TRDN: variants seen among roughly 807,000 people sequenced by gnomAD.
TRDN encodes the protein triadin in skeletal muscle.
TRDN carries 161 observed loss-of-function variants against 149.7 expected under a neutral mutation model. That is an observed-to-expected ratio of 1.08 (90% confidence interval 0.95 to 1.23). The LOEUF is 1.23. Ranked by LOEUF, TRDN falls within the 50% of genes most tolerant of loss-of-function variation. TRDN has a pLI of 0.00. For synonymous variants in TRDN, 294 were observed against 250.5 expected (o/e 1.17, Z -1.64); for missense variants, 896 against 823.5 (o/e 1.09, Z -1.08).
intron 1 of TRDN, among the ~76,000 whole-genome samples, chr6:123,622,112 G>A (rs1488132679): frequency 6.6e-6 from 1 of 152,054 alleles, no homozygotes; most frequent in East Asian, 1.9e-4. Flanking sequence ...TGCCACCACT[G>A]GGACAGCAAA....
At chr6:123,327,333 A>G (rs540051878) in intron 23 of TRDN, among the ~76,000 whole-genome samples, 2 of 152,042 alleles carry the variant, frequency 1.3e-5, no homozygotes, top group African/African-American at 4.8e-5. Context: ...TTTTCAAAAA[A>G]TATTTTCTTA....
chr6:123,455,406 CTGTGTGTG>C (rs71751722), intron 10 of TRDN, among the ~76,000 whole-genome samples: 69 of 145,738 alleles, frequency 4.7e-4, no homozygotes, highest in African/African-American at 1.1e-3. Flanking sequence ...AAGGCAACCA[CTGTGTGTG>C]TGTGTGTGTG....
In TRDN at chr6:123,465,106, T is replaced by TA. The variant is rs1776709057; in HGVS notation, c.854-124dup. The TA allele has an allele frequency of 8.4e-6, 9 of 1,071,130 alleles. No individual in the cohort carries two copies. In the South Asian group the frequency reaches 1.7e-4, roughly 21 times the overall value. 66.4% of individuals were successfully genotyped at this position (1,071,130 alleles called of 1,614,324 possible). On this transcript the variant is annotated intron_variant, in intron 9 of 40. Coordinates refer to ENST00000334268, the MANE Select transcript of TRDN (RefSeq NM_006073.4). The stretch of plus-strand genomic sequence containing the variant: ...ATAATACCAAGCCAAGTATAAATCA[T>TA]ATTATTATGCAAAAAAGAAAGCTAT...
intron 22 of TRDN, among the ~76,000 whole-genome samples, chr6:123,335,701 C>T (rs1459224074): frequency 6.6e-6 from 1 of 151,738 alleles, no homozygotes; most frequent in Admixed American, 6.6e-5. Context: ...GGAGTTAAGC[C>T]CCAACCTTTC....
chr6:123,482,538 T>C (rs1777792922), intron 9 of TRDN, among the ~76,000 whole-genome samples: 1 of 152,208 alleles, frequency 6.6e-6, no homozygotes, highest in Non-Finnish European at 1.5e-5. Flanking sequence ...CAAGAGGCTA[T>C]TTATAATCAC....
At chr6:123,594,784 A>G (rs570544843) in intron 1 of TRDN, among the ~76,000 whole-genome samples, 3 of 152,010 alleles carry the variant, frequency 2.0e-5, no homozygotes, top group Non-Finnish European at 4.4e-5. Flanking sequence ...TTTTAGTATT[A>G]TTTAGGTAGC....
At chr6:123,241,618 G>A (rs919190377) in intron 38 of TRDN, among the ~76,000 whole-genome samples, 4 of 151,512 alleles carry the variant, frequency 2.6e-5, no homozygotes, top group African/African-American at 9.7e-5. Context: ...ACAAAAGTAA[G>A]ATAGAAAGAA....
chr6:123,588,310 A>G (rs1002611978), intron 1 of TRDN, among the ~76,000 whole-genome samples: 4 of 152,190 alleles, frequency 2.6e-5, no homozygotes, highest in African/African-American at 7.2e-5. Flanking sequence ...GGAATCTGGT[A>G]TCTTATTGCT....
chr6:123,261,739 A>T (rs1318916027), intron 33 of TRDN, among the ~76,000 whole-genome samples: 3 of 151,876 alleles, frequency 2.0e-5, no homozygotes, highest in Non-Finnish European at 1.5e-5. Flanking sequence ...TTTCATAAAA[A>T]TATAGTACTT....
At chr6:123,572,771 G>T (rs1782649597) in intron 1 of TRDN, among the ~76,000 whole-genome samples, 1 of 152,026 alleles carries the variant, frequency 6.6e-6, no homozygotes, top group Non-Finnish European at 1.5e-5. Flanking sequence ...AGAATTACAT[G>T]CCAAGAAAGA....
At chr6:123,403,041 A>T (rs1338864437) in intron 12 of TRDN, among the ~76,000 whole-genome samples, 1 of 152,224 alleles carries the variant, frequency 6.6e-6, no homozygotes, top group Non-Finnish European at 1.5e-5. Flanking sequence ...TTCTAAAGTC[A>T]TGCACATCGA....
chr6:123,421,596 A>G (rs1254241007), intron 12 of TRDN: 1 of 152,094 alleles, frequency 6.6e-6, no homozygotes, highest in African/African-American at 2.4e-5. Flanking sequence ...GGACTCAGCC[A>G]TAGAAGTAAT....
At chr6:123,597,659 G>T (rs1259867720) in intron 1 of TRDN, among the ~76,000 whole-genome samples, 1 of 151,986 alleles carries the variant, frequency 6.6e-6, no homozygotes, top group East Asian at 1.9e-4. Flanking sequence ...ACCATGATTG[G>T]TCAGCAGACA....
chr6:123,279,115 A>G (rs1174445561), intron 24 of TRDN, 33 bp from the exon 25 acceptor site: 1 of 1,563,308 alleles, frequency 6.4e-7, no homozygotes, highest in Non-Finnish European at 8.7e-7. Context: ...TTAAAGGCTG[A>G]GTCATACAAT....
At chr6:123,374,709 G>A (rs1254867974) in intron 19 of TRDN, among the ~76,000 whole-genome samples, 1 of 151,960 alleles carries the variant, frequency 6.6e-6, no homozygotes, top group African/African-American at 2.4e-5. Context: ...CCAGGAGGCG[G>A]AGGTGCAGTG....
chr6:123,262,574 A>G (rs922335174), intron 33 of TRDN, among the ~76,000 whole-genome samples: 3 of 152,068 alleles, frequency 2.0e-5, no homozygotes, highest in Non-Finnish European at 4.4e-5. Flanking sequence ...ATACAGGCAT[A>G]CTCATTTTAT....
chr6:123,446,663 G>GTGC (rs1775395748), intron 10 of TRDN, among the ~76,000 whole-genome samples: 3 of 151,272 alleles, frequency 2.0e-5, no homozygotes, highest in Admixed American at 2.0e-4. Context: ...GGAGTGTTGA[G>GTGC]TGCTGCAGCC....
intron 9 of TRDN, among the ~76,000 whole-genome samples, chr6:123,488,075 G>A (rs931283836): frequency 6.6e-6 from 1 of 152,104 alleles, no homozygotes; most frequent in Non-Finnish European, 1.5e-5. Flanking sequence ...GCCTGGGACT[G>A]CTGAGCATGC....
At chr6:123,500,831 G>A (rs1778667180) in intron 8 of TRDN, among the ~76,000 whole-genome samples, 1 of 152,124 alleles carries the variant, frequency 6.6e-6, no homozygotes, top group African/African-American at 2.4e-5. Context: ...CTCTATAACA[G>A]ATTCACATTA....
Sources: gnomAD v4.1 joint callset for allele counts (sites outside exome capture counted in the v4.1 genomes callset) on GRCh38, gnomAD v4.1.1 for gene constraint, MANE v1.5 for transcripts, NCBI Gene and HGNC (gene_info 2026-07-23, HGNC 2026-07-21) for gene names.